The following CSMD2 variants were observed in gnomAD, a reference collection of about 807,000 sequenced individuals.
CSMD2 encodes CUB and Sushi multiple domains 2.
A neutral mutation model predicts 398.5 loss-of-function variants in CSMD2; 130 were observed. That is an observed-to-expected ratio of 0.33 (90% CI 0.28 to 0.38). The LOEUF is 0.38. CSMD2 is among the 10% of genes least tolerant of loss of function. The pLI, the probability that CSMD2 is intolerant of heterozygous loss-of-function variation, is 1.00. For missense variants in CSMD2, 3,829 were observed against 4,764.9 expected (o/e 0.80, Z 5.78); for synonymous variants, 1,828 against 1,908.5 (o/e 0.96, Z 1.10).
At chr1:34,026,555 T>C (rs1194892852) in intron 3 of CSMD2, among the ~76,000 whole-genome samples, 1 of 152,164 alleles carries the variant, frequency 6.6e-6, no homozygotes, top group African/African-American at 2.4e-5. Context: ...TTCACAAAAG[T>C]GTCAGAGTGC....
At chr1:33,529,825 CAA>C (rs1655085723) in intron 64 of CSMD2, among the ~76,000 whole-genome samples, 3 of 152,190 alleles carry the variant, frequency 2.0e-5, no homozygotes, top group African/African-American at 4.8e-5. Flanking sequence ...AGAACACCAA[CAA>C]GAGAGCGAAA....
chr1:33,859,977 G>T (rs1055625602), intron 5 of CSMD2, among the ~76,000 whole-genome samples: 2 of 152,116 alleles, frequency 1.3e-5, no homozygotes, highest in African/African-American at 2.4e-5. Flanking sequence ...ATGTTATTTT[G>T]AAATAAGAGT....
rs549008180 is a variant in CSMD2 at position 33,639,289 on chromosome 1, TA to T, written c.4775-2736del. ...CAGATTTCTTTTATAGGAAGTCTGA[TA>T]AATGTCTACCTTGTTCAGGCAACTG... On this transcript the variant is annotated intron_variant, in intron 29 of 70. Transcript: ENST00000373381. Among the ~76,000 whole-genome samples the T allele has an allele frequency of 1.1e-4, 17 of 152,350 alleles. No individual in the cohort carries two copies. The South Asian group carries it at 3.5e-3, about 32-fold the overall frequency.
intron 1 of CSMD2, among the ~76,000 whole-genome samples, chr1:34,091,602 G>C (rs1466054131): frequency 6.6e-6 from 1 of 151,892 alleles, no homozygotes; most frequent in African/African-American, 2.4e-5. Context: ...ATCTCTAAAG[G>C]ACTTTAATAT....
chr1:33,555,963 T>C (rs983164765), intron 55 of CSMD2, among the ~76,000 whole-genome samples: 4 of 152,132 alleles, frequency 2.6e-5, no homozygotes, highest in Non-Finnish European at 5.9e-5. Context: ...TGGAGTAAGC[T>C]GATTCTAACC....
chr1:33,633,127 C>T lies in CSMD2; in HGVS notation c.5200+295G>A, dbSNP rs1465222435. Among the ~76,000 whole-genome samples the T allele has an allele frequency of 6.6e-6, 1 of 152,086 alleles. No individual in the cohort carries two copies. The highest frequency in any genetic ancestry group is 1.9e-4 in the East Asian group (1 of 5,192). ...CACTAAGTTTTCTATAATGAAAATGCAATACATTTATAGTAAGAAAAAAAG... is the reference window on the plus strand; with the variant it reads ...CACTAAGTTTTCTATAATGAAAATGTAATACATTTATAGTAAGAAAAAAAG... On this transcript the variant is annotated intron_variant, in intron 32 of 70. Coordinates refer to ENST00000373381, the MANE Select transcript of CSMD2 (RefSeq NM_001281956.2). This position sits in a 1 kb window ranked among gnomAD's most constrained non-coding sequence, Gnocchi z 5.0.
chr1:33,770,748 T>C (rs992504708), intron 13 of CSMD2, among the ~76,000 whole-genome samples: 2 of 152,182 alleles, frequency 1.3e-5, no homozygotes, highest in African/African-American at 4.8e-5. Flanking sequence ...TCATCCTTGT[T>C]TCAAACCACA....
chr1:34,039,184 C>CCTGTGTCT (rs1238600509), intron 2 of CSMD2, among the ~76,000 whole-genome samples: 2 of 152,176 alleles, frequency 1.3e-5, no homozygotes, highest in Admixed American at 6.5e-5. Flanking sequence ...CAGAGTGGAA[C>CCTGTGTCT]AGCACCTCCC....
At chr1:33,962,412 C>T (rs977984625) in intron 3 of CSMD2, among the ~76,000 whole-genome samples, 4 of 151,668 alleles carry the variant, frequency 2.6e-5, no homozygotes, top group Admixed American at 2.0e-4. Context: ...TGCAAACACA[C>T]ATGCTCTGTG....
intron 5 of CSMD2, chr1:33,870,048 T>G (rs892085728): frequency 1.3e-5 from 2 of 152,210 alleles, no homozygotes; most frequent in African/African-American, 4.8e-5. Context: ...GGTTTTAGCT[T>G]CCACTAAAAT....
intron 53 of CSMD2, among the ~76,000 whole-genome samples, chr1:33,564,101 A>ACAGCAG (rs1278605438): frequency 1.3e-5 from 2 of 151,958 alleles, no homozygotes; most frequent in African/African-American, 4.8e-5. Context: ...TCATCACACA[A>ACAGCAG]CAGCAGCAGC....
chr1:33,882,147 A>G (rs1044822386), intron 5 of CSMD2: 12 of 152,240 alleles, frequency 7.9e-5, no homozygotes, highest in African/African-American at 2.9e-4. Context: ...TGTGCCATTT[A>G]TAATCCCACC....
intron 24 of CSMD2, among the ~76,000 whole-genome samples, chr1:33,695,597 C>T (rs140236535): frequency 6.6e-6 from 1 of 152,350 alleles, no homozygotes; most frequent in Admixed American, 6.5e-5. Context: ...CTCTACTTTG[C>T]CCACATTGCT....
chr1:34,010,719 C>T (rs557505153), intron 3 of CSMD2, among the ~76,000 whole-genome samples: 15 of 152,082 alleles, frequency 9.9e-5, no homozygotes, highest in East Asian at 3.9e-4. Context: ...CCCAGGTTCA[C>T]GCCATTCTCC....
intron 21 of CSMD2, among the ~76,000 whole-genome samples, chr1:33,711,365 T>C (rs1370616252): frequency 2.6e-5 from 4 of 152,250 alleles, no homozygotes; most frequent in African/African-American, 9.6e-5. Flanking sequence ...TGGAGTTAGA[T>C]ACATTGTGTC....
chr1:33,973,616 C>G (rs1421707565), intron 3 of CSMD2, among the ~76,000 whole-genome samples: 1 of 152,152 alleles, frequency 6.6e-6, no homozygotes, highest in Non-Finnish European at 1.5e-5. Flanking sequence ...CTCTTTCTTG[C>G]CTGCCTGTTA....
At chr1:33,579,459 T>C (rs142446761) in intron 48 of CSMD2, among the ~76,000 whole-genome samples, 44 of 152,164 alleles carry the variant, frequency 2.9e-4, no homozygotes, top group African/African-American at 1.0e-3. Flanking sequence ...GCAGAGGATA[T>C]GGGCTCTGAG....
intron 13 of CSMD2, among the ~76,000 whole-genome samples, chr1:33,767,911 G>C (rs1650724428): frequency 6.6e-6 from 1 of 152,176 alleles, no homozygotes; most frequent in Non-Finnish European, 1.5e-5. Flanking sequence ...AATGGAGACA[G>C]GGCAAGACTT....
At chr1:33,612,257 C>G (rs1239659514) in intron 40 of CSMD2, among the ~76,000 whole-genome samples, 2 of 152,286 alleles carry the variant, frequency 1.3e-5, no homozygotes, top group Middle Eastern at 3.4e-3. Flanking sequence ...TCTGTGCTAT[C>G]AAATAAGCTC....
Sources: allele counts gnomAD v4.1 joint callset (sites outside exome capture counted in the v4.1 genomes callset), GRCh38; gene constraint gnomAD v4.1.1; non-coding constraint Gnocchi (gnomAD v3.1); transcripts MANE v1.5; gene names NCBI Gene and HGNC (gene_info 2026-07-23, HGNC 2026-07-21).